FSHR: variants seen among roughly 807,000 people sequenced by gnomAD.
FSHR encodes the protein follicle stimulating hormone receptor, also known as follicle-stimulating hormone receptor.
Under a neutral mutation model 52.1 loss-of-function variants are expected in FSHR, and 46 were observed. The ratio of observed to expected loss-of-function variants is 0.88; its 90% confidence interval spans 0.70 to 1.13. The LOEUF is 1.13. Ranked by LOEUF, FSHR falls within the 50% of genes most tolerant of loss-of-function variation. The pLI, the probability that FSHR is intolerant of heterozygous loss-of-function variation, is 0.00. For synonymous variants in FSHR, 399 were observed against 309.6 expected (o/e 1.29, Z -3.03); for missense variants, 964 against 834.6 (o/e 1.16, Z -1.91).
rs903112196 is a variant in FSHR at position 48,962,673 on chromosome 2, A to G, written c.*60T>C. The G allele has an allele frequency of 6.6e-7, 1 of 1,519,792 alleles. No homozygotes were observed. Among genetic ancestry groups the G allele is most frequent in the South Asian group, 1.1e-5 (1 of 88,756 alleles). 94.1% of individuals were successfully genotyped at this position (1,519,792 alleles called of 1,614,324 possible). A position where few individuals can be genotyped will look rare whatever the true frequency, so the allele number is the denominator to read the frequency against. On this transcript the variant is annotated 3_prime_UTR_variant, in exon 10 of 10. Transcript: ENST00000406846. ...AAGCACTGTCAGCTCTTTGTGACAT[A>G]CCCTTCAAAGGCAAGACTGAATTAT...
At chr2:49,044,222 G>A (rs147079538) in intron 2 of FSHR, among the ~76,000 whole-genome samples, 3 of 152,144 alleles carry the variant, frequency 2.0e-5, no homozygotes, top group South Asian at 2.1e-4. Flanking sequence ...TAAGTGATAT[G>A]CTGTTTTTTT....
intron 4 of FSHR, among the ~76,000 whole-genome samples, chr2:49,009,397 G>A (rs560968004): frequency 6.6e-6 from 1 of 151,906 alleles, no homozygotes; most frequent in Admixed American, 6.6e-5. Context: ...TCTCTGTTTT[G>A]GTACGAGTAC....
chr2:48,975,320 T>G (rs1053608568), intron 8 of FSHR, among the ~76,000 whole-genome samples: 5 of 151,406 alleles, frequency 3.3e-5, no homozygotes, highest in Admixed American at 2.6e-4. Context: ...TTCTCAGGAC[T>G]TTGACTTCAG....
chr2:49,011,100 A>G (rs1413332230), intron 4 of FSHR, among the ~76,000 whole-genome samples: 7 of 150,776 alleles, frequency 4.6e-5, no homozygotes, highest in African/African-American at 1.7e-4. Flanking sequence ...TTGCTTTTCT[A>G]GTTCTTTTAA....
chr2:49,149,641 T>C (rs533070747), intron 1 of FSHR, among the ~76,000 whole-genome samples: 38 of 152,206 alleles, frequency 2.5e-4, no homozygotes, highest in African/African-American at 7.7e-4. Context: ...TTGTACACGA[T>C]TGATACATCC....
chr2:49,082,973 C>G (rs1436060893), intron 1 of FSHR, among the ~76,000 whole-genome samples: 2 of 151,740 alleles, frequency 1.3e-5, no homozygotes, highest in East Asian at 3.9e-4. Context: ...GGCCAACATT[C>G]AGATTCAGGA....
In FSHR at chr2:49,154,334, C is replaced by T; in HGVS notation, c.84G>A (p.Arg28=). 1 of 1,613,842 alleles carries T rather than the reference C, an allele frequency of 6.2e-7. No homozygotes were observed. The highest frequency in any genetic ancestry group is 8.5e-7 in the Non-Finnish European group (1 of 1,179,906). ...CCTTGCTCTCTTGGCAGAGAAAAAC[C>T]CTGTTAGAGCAGTGACAGATCCGAT... ...CHHRICHCSN[R]VFLCQESKVT... The change falls in exon 1 of 10, where the codon AGG becomes AGA. Residue 28 remains arginine, a synonymous_variant. Transcript: ENST00000406846.
intron 1 of FSHR, among the ~76,000 whole-genome samples, chr2:49,095,525 T>C (rs536274276): frequency 5.3e-5 from 8 of 152,314 alleles, no homozygotes; most frequent in Admixed American, 3.3e-4. Flanking sequence ...TAAAACTTTT[T>C]GAAGAAAATA....
intron 2 of FSHR, among the ~76,000 whole-genome samples, chr2:49,021,884 T>TAGAGAG (rs1221533451): frequency 6.0e-4 from 22 of 36,550 alleles, no homozygotes; most frequent in Admixed American, 2.7e-3. Flanking sequence ...TATATATATA[T>TAGAGAG]ATAGAGAGAG....
intron 2 of FSHR, among the ~76,000 whole-genome samples, chr2:49,030,174 T>C (rs1572655381): frequency 6.6e-6 from 1 of 152,158 alleles, no homozygotes; most frequent in Non-Finnish European, 1.5e-5. Context: ...TATTGTCAGT[T>C]TAAAGAGGGC....
intron 1 of FSHR, among the ~76,000 whole-genome samples, chr2:49,149,707 T>G: frequency 6.6e-6 from 1 of 152,040 alleles, no homozygotes; most frequent in East Asian, 1.9e-4. Flanking sequence ...TTAAAATTCC[T>G]AATAATAATC....
intron 1 of FSHR, among the ~76,000 whole-genome samples, chr2:49,085,980 G>A (rs1371061819): frequency 6.6e-6 from 1 of 151,816 alleles, no homozygotes; most frequent in Admixed American, 6.6e-5. Context: ...GGGGGAGTGG[G>A]GAGGGATAGC....
At chr2:49,025,201 G>A (rs748941998) in intron 2 of FSHR, among the ~76,000 whole-genome samples, 1 of 152,170 alleles carries the variant, frequency 6.6e-6, no homozygotes, top group East Asian at 1.9e-4. Flanking sequence ...ATCTTTAAGC[G>A]AGTGGAGAAC....
chr2:49,049,905 A>T (rs1572679803), intron 2 of FSHR, among the ~76,000 whole-genome samples: 1 of 151,644 alleles, frequency 6.6e-6, no homozygotes. Context: ...ACATATAAAT[A>T]CAAAGCTAAT....
At chr2:49,083,442 A>T in intron 1 of FSHR, among the ~76,000 whole-genome samples, 1 of 150,842 alleles carries the variant, frequency 6.6e-6, no homozygotes. Context: ...TCAACTGATG[A>T]GCAAAATAAC....
chr2:49,149,907 A>G (rs1673003353), intron 1 of FSHR, among the ~76,000 whole-genome samples: 1 of 152,076 alleles, frequency 6.6e-6, no homozygotes, highest in Non-Finnish European at 1.5e-5. Flanking sequence ...ATATAATCCC[A>G]GGACAGGTTT....
intron 2 of FSHR, among the ~76,000 whole-genome samples, chr2:49,038,761 A>G (rs953021450): frequency 6.6e-6 from 1 of 151,800 alleles, no homozygotes; most frequent in African/African-American, 2.4e-5. Flanking sequence ...TAGAATTAAA[A>G]CATTCTAAGG....
At chr2:49,085,457 C>G (rs1670343257) in intron 1 of FSHR, among the ~76,000 whole-genome samples, 1 of 152,192 alleles carries the variant, frequency 6.6e-6, no homozygotes, top group African/African-American at 2.4e-5. Flanking sequence ...CCCTCTCTCA[C>G]CACTACTATT....
chr2:49,038,630 AATAATAATAATAAT>A (rs1558404940), intron 2 of FSHR, among the ~76,000 whole-genome samples: 675 of 47,946 alleles, frequency 0.014, 49 homozygotes, highest in African/African-American at 0.061. Context: ...GTCTCAAAAT[AATAATAATAATAAT>A]AATAATAATA....
Sources: gnomAD v4.1 joint callset for allele counts (sites outside exome capture counted in the v4.1 genomes callset) on GRCh38, gnomAD v4.1.1 for gene constraint, MANE v1.5 for transcripts, NCBI Gene and HGNC (gene_info 2026-07-23, HGNC 2026-07-21) for gene names.